Variants in SRRM3 observed in about 807,000 individuals in gnomAD.
SRRM3 encodes serine/arginine repetitive matrix protein 3.
In SRRM3, 27 loss-of-function variants were observed where a neutral mutation model predicts 66.2. That is an observed-to-expected ratio of 0.41 (90% CI 0.30 to 0.56). SRRM3 has a LOEUF of 0.56. Ranked by LOEUF, SRRM3 falls within the 20% of genes least tolerant of loss-of-function variation. The pLI is 0.32. For synonymous variants in SRRM3, 391 were observed against 414.9 expected (o/e 0.94, Z 0.70); for missense variants, 918 against 991.9 (o/e 0.93, Z 1.00).
At chr7:76,239,535 CA>C (rs1359535597) in intron 2 of SRRM3, among the ~76,000 whole-genome samples, 34 of 151,582 alleles carry the variant, frequency 2.2e-4, no homozygotes, top group African/African-American at 7.3e-4. Context: ...AATCCACCTA[CA>C]AAAAAAAATT....
At chr7:76,260,778 A>C in intron 5 of SRRM3, 96 bp from the exon 6 acceptor site, 4 of 1,223,842 alleles carry the variant, frequency 3.3e-6, no homozygotes, top group Non-Finnish European at 4.6e-6. Context: ...CTCTCTGTCC[A>C]CCCTCCCCTG....
chr7:76,206,357 G>C (rs541006372), intron 1 of SRRM3, among the ~76,000 whole-genome samples: 9 of 152,148 alleles, frequency 5.9e-5, no homozygotes, highest in African/African-American at 2.2e-4. Flanking sequence ...GGTTCAGAGA[G>C]GAGAAAGGGA....
At chr7:76,210,960 A>G (rs551976541) in intron 1 of SRRM3, among the ~76,000 whole-genome samples, 1 of 151,830 alleles carries the variant, frequency 6.6e-6, no homozygotes, top group Non-Finnish European at 1.5e-5. Context: ...CTGCCACTAC[A>G]CCCGGCTAAT....
chr7:76,227,347 C>T (rs1248102929), intron 1 of SRRM3, among the ~76,000 whole-genome samples: 1 of 152,214 alleles, frequency 6.6e-6, no homozygotes, highest in African/African-American at 2.4e-5. Context: ...GCAAACCCCT[C>T]ACCCTCAAGC....
intron 2 of SRRM3, among the ~76,000 whole-genome samples, chr7:76,241,569 T>C (rs1216219075): frequency 6.6e-6 from 1 of 152,212 alleles, no homozygotes; most frequent in African/African-American, 2.4e-5. Flanking sequence ...AATGGCGCAA[T>C]CTCAGCTCAC....
At chr7:76,236,004 T>TCAAAAAAAAAAA (rs1801140787) in intron 2 of SRRM3, among the ~76,000 whole-genome samples, 1 of 20,642 alleles carries the variant, frequency 4.8e-5, no homozygotes, top group African/African-American at 4.2e-4. Context: ...AGATTCTGTC[T>TCAAAAAAAAAAA]CAAAAAAAAA....
intron 3 of SRRM3, among the ~76,000 whole-genome samples, chr7:76,253,966 G>A (rs1245216810): frequency 2.6e-5 from 4 of 152,002 alleles, no homozygotes; most frequent in Admixed American, 6.6e-5. Context: ...GGTTGTATCA[G>A]GAGGTTCCAA....
At chr7:76,218,674 C>CTTTTTTTTTTTTTTT (rs11349335) in intron 1 of SRRM3, among the ~76,000 whole-genome samples, 5 of 76,278 alleles carry the variant, frequency 6.6e-5, no homozygotes, top group African/African-American at 1.1e-4. Context: ...GCTTTCTTTT[C>CTTTTTTTTTTTTTTT]TTTTTTTTTT....
chr7:76,267,591 T>C (rs369600189), intron 11 of SRRM3, 156 bp downstream of exon 11: 47 of 645,122 alleles, frequency 7.3e-5, no homozygotes, highest in East Asian at 4.8e-4. Flanking sequence ...CTGGGCGTCC[T>C]GGCTCGGGAG....
rs1227944771 is a variant in SRRM3, at chr7:76,285,612, C to T, written c.1734-3C>T. On this transcript the variant is annotated splice_region_variant and splice_polypyrimidine_tract_variant and intron_variant, in intron 14 of 14. Transcript: ENST00000611745. The surrounding 1 kb of genome is among the most constrained non-coding windows in gnomAD (Gnocchi z 4.1). Reference sequence around the variant, plus strand: ...CCTGTAATCAGCTTTTTCTTCCCGGCAGCGCCCGCAAGCGTCCTATTCCAT... The same window carrying T: ...CCTGTAATCAGCTTTTTCTTCCCGGTAGCGCCCGCAAGCGTCCTATTCCAT... 11 of 1,547,362 alleles carry T rather than the reference C, an allele frequency of 7.1e-6. No individual in the cohort carries two copies. In the Admixed American group the frequency reaches 2.2e-4, roughly 30 times the overall value.
intron 2 of SRRM3, among the ~76,000 whole-genome samples, chr7:76,243,561 T>C (rs2117016612): frequency 6.6e-6 from 1 of 152,228 alleles, no homozygotes; most frequent in Admixed American, 6.5e-5. Flanking sequence ...CCTGCATATA[T>C]GCCGCTGCAG....
chr7:76,260,151 C>T lies in SRRM3; in HGVS notation c.499C>T (p.Pro167Ser), dbSNP rs565399786. ...KHWSSSSASPPPKKKKKKKGG... is the reference protein window; with the variant it reads ...KHWSSSSASPSPKKKKKKKGG... Reference sequence around the variant, plus strand: ...TTGGTCTAGCAGCTCGGCATCGCCCCCTCCCAAGAAAAAGAAGAAAAAGAA... The same window carrying T: ...TTGGTCTAGCAGCTCGGCATCGCCCTCTCCCAAGAAAAAGAAGAAAAAGAA... The change falls in exon 5 of 15, where the codon CCT becomes TCT. Residue 167 changes from proline to serine, a missense_variant. Physicochemically the swap from Pro to Ser is moderately conservative, Grantham distance 74. Transcript: ENST00000611745. 73 of 1,537,444 alleles carry T rather than the reference C, an allele frequency of 4.7e-5. 2 individuals carry two copies. The South Asian group carries it at 7.3e-4, about 15-fold the overall frequency.
intron 3 of SRRM3, among the ~76,000 whole-genome samples, chr7:76,258,413 C>T (rs1255966947): frequency 6.6e-6 from 1 of 152,120 alleles, no homozygotes; most frequent in Non-Finnish European, 1.5e-5. Context: ...GAGGAAGGGG[C>T]TCTTTAAGAA....
At chr7:76,271,604 CT>C (rs1554610529) in intron 11 of SRRM3, among the ~76,000 whole-genome samples, 1 of 152,178 alleles carries the variant, frequency 6.6e-6, no homozygotes, top group Admixed American at 6.5e-5. Flanking sequence ...GATTGCGCCA[CT>C]GCACTCCAGC....
At chr7:76,272,716 TA>T (rs1802244196) in intron 11 of SRRM3, among the ~76,000 whole-genome samples, 1 of 152,004 alleles carries the variant, frequency 6.6e-6, no homozygotes, top group Admixed American at 6.5e-5. Flanking sequence ...GTGACACCCT[TA>T]GGTGAGGGTG....
At chr7:76,206,758 C>T (rs534467112) in intron 1 of SRRM3, among the ~76,000 whole-genome samples, 93 of 152,294 alleles carry the variant, frequency 6.1e-4, no homozygotes, top group Admixed American at 1.4e-3. Context: ...AGCCTAAAGC[C>T]TCTGGCCTGT....
chr7:76,265,653 C>T (rs1381052622), intron 10 of SRRM3, among the ~76,000 whole-genome samples, 185 bp downstream of exon 10: 4 of 150,660 alleles, frequency 2.7e-5, no homozygotes, highest in African/African-American at 9.8e-5. Flanking sequence ...GAGGCCAAGG[C>T]AGAAGGATCG....
Position 76,248,255 on chromosome 7 carries a change from G to A in SRRM3, c.301G>A (p.Val101Met), listed in dbSNP as rs782387155. 8 of 1,613,736 alleles carry A rather than the reference G, an allele frequency of 5.0e-6. No individual in the cohort carries two copies. Among genetic ancestry groups the A allele is most frequent in the East Asian group, 2.2e-5 (1 of 44,894 alleles). ...FRQMLMEKEG[V>M]LTREDRPGGH... Reference sequence around the variant, plus strand: ...GCAGATGCTGATGGAGAAGGAGGGAGTGCTCACCAGGGAGGACCGGCCTGG... The same window carrying A: ...GCAGATGCTGATGGAGAAGGAGGGAATGCTCACCAGGGAGGACCGGCCTGG... Residue 101 changes from valine (V) to methionine (M), a missense_variant, in exon 3 of 15, where the codon GTG (valine) becomes ATG (methionine). Transcript: ENST00000611745.
intron 2 of SRRM3, among the ~76,000 whole-genome samples, chr7:76,244,015 G>A (rs1401294352): frequency 1.3e-5 from 2 of 152,244 alleles, no homozygotes; most frequent in African/African-American, 4.8e-5. Context: ...CACAGGGACT[G>A]AGGTGGACAC....
Sources: allele counts gnomAD v4.1 joint callset (sites outside exome capture counted in the v4.1 genomes callset), GRCh38; gene constraint gnomAD v4.1.1; non-coding constraint Gnocchi (gnomAD v3.1); transcripts MANE v1.5; gene names NCBI Gene and HGNC (gene_info 2026-07-23, HGNC 2026-07-21).